The following PCDHGB3 variants were observed in gnomAD, a reference collection of about 807,000 sequenced individuals.
The protein encoded by PCDHGB3 is protocadherin gamma-B3.
A neutral mutation model predicts 59.2 loss-of-function variants in PCDHGB3; 40 were observed. The observed-to-expected ratio is 0.68, with a 90% CI of 0.52 to 0.88. The LOEUF (loss-of-function observed/expected upper bound fraction) is 0.88, where lower values mean the gene tolerates loss of function less well. Ranked by LOEUF, PCDHGB3 falls within the 40% of genes least tolerant of loss-of-function variation. The pLI, the probability that PCDHGB3 is intolerant of heterozygous loss-of-function variation, is 0.00. For synonymous variants in PCDHGB3, 581 were observed against 503.6 expected, an observed-to-expected ratio of 1.15 and a Z score of -2.06; for missense variants, 1,309 against 1,187.9, an observed-to-expected ratio of 1.10 and a Z score of -1.50.
At chr5:141,405,018 T>C (rs1413977666) in intron 1 of PCDHGB3, 5 of 1,613,834 alleles carry the variant, frequency 3.1e-6, no homozygotes, top group African/African-American at 2.7e-5. Context: ...GCCTCAGACC[T>C]TACCCTCTAC....
intron 1 of PCDHGB3, chr5:141,389,769 G>A (rs2091901102): frequency 3.1e-6 from 5 of 1,612,950 alleles, no homozygotes; most frequent in Non-Finnish European, 4.2e-6. Context: ...CACAGCGCGT[G>A]CCTTAGGCGA....
chr5:141,385,325 T>C (rs1781126490), intron 1 of PCDHGB3: 2 of 1,606,594 alleles, frequency 1.2e-6, no homozygotes, highest in Admixed American at 3.4e-5. Flanking sequence ...AGTATTCAGG[T>C]GAGCCCAGCC....
At position 141,477,910 on chromosome 5, in the gene PCDHGB3, G is replaced by C. The variant is rs766164142; in HGVS notation, c.2416-16897G>C. ...TGTCACGGGTGGTAGGCTGGGACGC[G>C]GATGCAGGGCACAATGCCTGGCTCT... On this transcript the variant is annotated intron_variant, in intron 1 of 3. Coordinates refer to ENST00000576222, the MANE Select transcript of PCDHGB3 (RefSeq NM_018924.5). This position sits in a 1 kb window ranked among gnomAD's most constrained non-coding sequence, Gnocchi z 4.9. 3 of 1,614,168 alleles carry C rather than the reference G, an allele frequency of 1.9e-6. No homozygotes were observed. Among genetic ancestry groups the C allele is most frequent in the Non-Finnish European group, 2.5e-6 (3 of 1,180,032 alleles).
At chr5:141,498,971 GGGAAGGAA>G (rs201769957) in intron 2 of PCDHGB3, among the ~76,000 whole-genome samples, 18,877 of 110,786 alleles carry the variant, frequency 0.17, 1,784 homozygotes, top group Admixed American at 0.31. Context: ...GAGGGAGGGA[GGGAAGGAA>G]GGAAGGAAGG....
At position 141,372,172 on chromosome 5, in the gene PCDHGB3, C is replaced by A; in HGVS notation, c.1778C>A (p.Ala593Glu). The A allele has an allele frequency of 6.2e-7, 1 of 1,613,722 alleles. No homozygotes were observed. The highest frequency in any genetic ancestry group is 8.5e-7 in the Non-Finnish European group (1 of 1,179,938). The stretch of plus-strand genomic sequence containing the variant: ...GGCTACCTGGTGACCAAGGTGGTGG[C>A]GGTGGACGCAGACTCGGGATACAAC... The part of the protein sequence containing the change: ...EPGYLVTKVV[A>E]VDADSGYNAW... Residue 593 changes from alanine to glutamate, a missense_variant, in exon 1 of 4, where the codon GCG (alanine) becomes GAG (glutamate). Physicochemically the swap from Ala to Glu is moderately radical, Grantham distance 107. Transcript: ENST00000576222.
intron 1 of PCDHGB3, chr5:141,423,755 G>GGT (rs1554116817): frequency 5.9e-6 from 3 of 512,508 alleles, no homozygotes; most frequent in Non-Finnish European, 7.8e-6. Context: ...CTGTTTGGGG[G>GGT]GGGGGTGGGG....
At chr5:141,386,135 G>A (rs2090475678) in intron 1 of PCDHGB3, 1 of 152,130 alleles carries the variant, frequency 6.6e-6, no homozygotes, top group African/African-American at 2.4e-5. Context: ...GGGGATACTG[G>A]CTTTGTTTCA....
At chr5:141,421,316 G>A in intron 1 of PCDHGB3, 1 of 1,613,866 alleles carries the variant, frequency 6.2e-7, no homozygotes, top group Non-Finnish European at 8.5e-7. Flanking sequence ...TTCCGGGCCA[G>A]GCAGATCCGA....
In PCDHGB3 at chr5:141,486,056, C is replaced by T; in HGVS notation, c.2416-8751C>T. 6.2e-7 allele frequency: 1 copy of T among 1,614,170 alleles called. No homozygotes were observed. The highest frequency in any genetic ancestry group is 8.5e-7 in the Non-Finnish European group (1 of 1,180,026). ...TGATCGTGTAAGAAACCTCTTTAGC[C>T]TGCACCCCACTACTGGAAAGCTTAC... On this transcript the variant is annotated intron_variant, in intron 1 of 3. Transcript: ENST00000576222. The surrounding 1 kb of genome is among the most constrained non-coding windows in gnomAD (Gnocchi z 5.0).
intron 1 of PCDHGB3, chr5:141,384,324 T>C (rs373247436): frequency 6.2e-7 from 1 of 1,613,862 alleles, no homozygotes; most frequent in Non-Finnish European, 8.5e-7. Flanking sequence ...TCTTAGTGAC[T>C]GCACAGGACC....
rs1458508114 is a variant in PCDHGB3, at chr5:141,489,523, C to T, written c.2416-5284C>T. ...GAATCAAAAGATTGACCGAGAAAGC[C>T]TATGTGGAGCCAGCACCAGCTGCCT... On this transcript the variant is annotated intron_variant, in intron 1 of 3. Transcript: ENST00000576222. This position sits in a 1 kb window ranked among gnomAD's most constrained non-coding sequence, Gnocchi z 4.5. The T allele has an allele frequency of 3.5e-5, 56 of 1,614,006 alleles. No homozygotes were observed. The highest frequency in any genetic ancestry group is 4.5e-5 in the Non-Finnish European group (53 of 1,180,044).
intron 2 of PCDHGB3, 149 bp from the exon 3 acceptor site, chr5:141,505,244 T>C (rs886952348): frequency 7.0e-7 from 1 of 1,428,216 alleles, no homozygotes; most frequent in Non-Finnish European, 9.4e-7. Context: ...TGAAGGATTG[T>C]AGAAGTGCCT....
intron 1 of PCDHGB3, chr5:141,375,433 C>T: frequency 6.2e-7 from 1 of 1,614,016 alleles, no homozygotes; most frequent in African/African-American, 1.3e-5. Context: ...ACAACCCGCC[C>T]ACCTTCCCCC....
chr5:141,501,290 T>TACACATAC (rs1224133816), intron 2 of PCDHGB3, among the ~76,000 whole-genome samples: 1,510 of 136,196 alleles, frequency 0.011, 8 homozygotes, highest in Admixed American at 0.014. Flanking sequence ...TATTCCCTTA[T>TACACATAC]ACACACACAC....
At chr5:141,505,123 C>T (rs1320836386) in intron 2 of PCDHGB3, among the ~76,000 whole-genome samples, 1 of 152,192 alleles carries the variant, frequency 6.6e-6, no homozygotes, top group African/African-American at 2.4e-5. Flanking sequence ...GATCGCGCCA[C>T]TGCACTCCAG....
chr5:141,499,402 A>G (rs2099791723), intron 2 of PCDHGB3, among the ~76,000 whole-genome samples: 2 of 152,212 alleles, frequency 1.3e-5, no homozygotes, highest in South Asian at 4.1e-4. Context: ...GTACATGCTC[A>G]TTATAGAAAC....
In PCDHGB3 at chr5:141,487,636, AC is replaced by A. The variant is rs1562120737; in HGVS notation, c.2416-7170del. On this transcript the variant is annotated intron_variant, in intron 1 of 3. Coordinates refer to ENST00000576222, the MANE Select transcript of PCDHGB3 (RefSeq NM_018924.5). The surrounding 1 kb of genome is among the most constrained non-coding windows in gnomAD (Gnocchi z 5.0). ...TAGAGGTGAGACCTTTGCAGGCTCA[AC>A]AAATGCTTGAGGGTTATTCTGATCC... 1 of 1,614,192 alleles carries A rather than the reference AC, an allele frequency of 6.2e-7. No individual in the cohort carries two copies. The highest frequency in any genetic ancestry group is 2.2e-5 in the East Asian group (1 of 44,886).
rs776975666 is a variant in PCDHGB3 at position 141,432,850 on chromosome 5, G to A, written c.2415+60041G>A. The A allele has an allele frequency of 6.2e-7, 1 of 1,614,170 alleles. No homozygotes were observed. The highest frequency in any genetic ancestry group is 1.1e-5 in the South Asian group (1 of 91,088). ...TCACTCTGTACCTGGTGGTAGCGGT[G>A]GCCGCGGTCTCCTGCGTCTTCCTGG... is the stretch of plus-strand genomic sequence containing the variant. On this transcript the variant is annotated intron_variant, in intron 1 of 3. Coordinates refer to ENST00000576222, the MANE Select transcript of PCDHGB3 (RefSeq NM_018924.5). The surrounding 1 kb of genome is among the most constrained non-coding windows in gnomAD (Gnocchi z 6.0).
Position 141,372,058 on chromosome 5 carries a change from G to A in PCDHGB3, c.1664G>A (p.Arg555His), listed in dbSNP as rs769464516. Residue 555 changes from arginine to histidine, a missense_variant, in exon 1 of 4, where the codon CGC (arginine) becomes CAC (histidine). Physicochemically the swap from Arg to His is conservative, Grantham distance 29. Coordinates refer to ENST00000576222, the MANE Select transcript of PCDHGB3 (RefSeq NM_018924.5). The stretch of plus-strand genomic sequence containing the variant: ...AGCCTGCGCGTGTTGGTGGACGACC[G>A]CAACGACAATGCACCGCTGGTGCTG... ...NVSLRVLVDD[R>H]NDNAPLVLYP... 6.2e-7 allele frequency: 1 copy of A among 1,613,554 alleles called. No homozygotes were observed. The highest frequency in any genetic ancestry group is 1.1e-5 in the South Asian group (1 of 91,082).
Sources: gnomAD v4.1 joint callset for allele counts (sites outside exome capture counted in the v4.1 genomes callset) on GRCh38, gnomAD v4.1.1 for gene constraint, Gnocchi (gnomAD v3.1) non-coding constraint, MANE v1.5 for transcripts, NCBI Gene and HGNC (gene_info 2026-07-23, HGNC 2026-07-21) for gene names.